FREM1: variants seen among roughly 807,000 people sequenced by gnomAD.
The protein encoded by FREM1 is FRAS1 related extracellular matrix 1, also known as FRAS1-related extracellular matrix protein 1.
Under a neutral mutation model 210.1 loss-of-function variants are expected in FREM1, and 220 were observed. The observed-to-expected ratio is 1.05, with a 90% confidence interval of 0.94 to 1.17. The LOEUF (loss-of-function observed/expected upper bound fraction) is 1.17, where lower values mean the gene tolerates loss of function less well. Ranked by LOEUF, FREM1 falls within the 50% of genes most tolerant of loss-of-function variation. FREM1 has a pLI of 0.00. For missense variants in FREM1, 3,454 were observed against 2,675.5 expected (o/e 1.29, Z -6.42); for synonymous variants, 1,189 against 980.2 (o/e 1.21, Z -3.98).
At chr9:14,756,590 G>C in intron 28 of FREM1, 144 bp from the exon 29 acceptor site, 3 of 560,098 alleles carry the variant, frequency 5.4e-6, no homozygotes, top group Non-Finnish European at 8.9e-6. Context: ...AATTATATAA[G>C]CCATTTGGGA....
intron 22 of FREM1, 21 bp from the exon 23 acceptor site, chr9:14,789,135 T>A: frequency 6.6e-7 from 1 of 1,521,916 alleles, no homozygotes; most frequent in East Asian, 2.4e-5. Context: ...CCAGAGTTAG[T>A]CAGCTGCTCA....
chr9:14,835,204 C>T (rs186642788), intron 10 of FREM1, among the ~76,000 whole-genome samples: 17 of 152,328 alleles, frequency 1.1e-4, no homozygotes, highest in Non-Finnish European at 2.4e-4. Flanking sequence ...TTTAGTTTTT[C>T]AGAGTCAAGG....
At chr9:14,904,079 G>A (rs1198559951) in intron 1 of FREM1, among the ~76,000 whole-genome samples, 1 of 136,664 alleles carries the variant, frequency 7.3e-6, no homozygotes, top group African/African-American at 2.8e-5. Context: ...CCAAGATCGC[G>A]CCTCCAGCCT....
rs1270384465 is a variant in FREM1 at position 14,861,010 on chromosome 9, T to TAC, written c.330-1528_330-1527dup. Among the ~76,000 whole-genome samples, 114 of 113,638 alleles carry TAC rather than the reference T, an allele frequency of 1.0e-3. 26 individuals carry two copies. Among genetic ancestry groups the TAC allele is most frequent in the African/African-American group, 5.0e-3 (108 of 21,452 alleles). 74.6% of individuals were successfully genotyped at this position (113,638 alleles called of 152,430 possible). A position where few individuals can be genotyped will look rare whatever the true frequency, so the allele number is the denominator to read the frequency against. On this transcript the variant is annotated intron_variant, in intron 3 of 36. Transcript: ENST00000380880. Reference sequence around the variant, plus strand: ...ATATATACATATATATACACATATATACATATATACACATATATACATATA... The same window carrying TAC: ...ATATATACATATATATACACATATATACACATATATACACATATATACATATA...
At chr9:14,769,646 A>G in intron 27 of FREM1, 78 bp downstream of exon 27, 1 of 1,419,694 alleles carries the variant, frequency 7.0e-7, no homozygotes, top group Non-Finnish European at 9.6e-7. Context: ...TGTTTTAAAA[A>G]GAACATTTCA....
rs766201167 is a variant in FREM1 at position 14,759,869 on chromosome 9, G to A, written c.5237C>T (p.Ser1746Leu). The A allele has an allele frequency of 4.3e-6, 7 of 1,611,942 alleles. No individual in the cohort carries two copies. Among genetic ancestry groups the A allele is most frequent in the Non-Finnish European group, 5.9e-6 (7 of 1,178,702 alleles). ...CTCACAGACTTCATATTCGGTCTGT[G>A]ACCATTCAATATGAGACCACTTCAG... ...LELKWSHIEW[S>L]QTEYEVCENV... Residue 1746 changes from serine to leucine, a missense_variant, in exon 28 of 37, where the codon TCA becomes TTA. By Grantham distance (145) the Ser-to-Leu change is moderately radical. Coordinates refer to ENST00000380880, the MANE Select transcript of FREM1 (RefSeq NM_001379081.2).
At chr9:14,787,126 T>C (rs956894157) in intron 23 of FREM1, among the ~76,000 whole-genome samples, 59 of 152,320 alleles carry the variant, frequency 3.9e-4, no homozygotes, top group African/African-American at 1.3e-3. Flanking sequence ...TTATTTATAA[T>C]AGCTCCCAAA....
At chr9:14,749,078 T>A (rs1244764912) in intron 30 of FREM1, among the ~76,000 whole-genome samples, 1 of 152,200 alleles carries the variant, frequency 6.6e-6, no homozygotes, top group Non-Finnish European at 1.5e-5. Flanking sequence ...AAGTAGTATT[T>A]ATAAAACTTT....
At chr9:14,833,152 C>G (rs1823892908) in intron 10 of FREM1, among the ~76,000 whole-genome samples, 1 of 152,154 alleles carries the variant, frequency 6.6e-6, no homozygotes. Context: ...GTTTGTCACT[C>G]TGGGTGGTGC....
intron 5 of FREM1, among the ~76,000 whole-genome samples, chr9:14,853,731 T>C (rs1382864238): frequency 6.6e-6 from 1 of 152,134 alleles, no homozygotes; most frequent in Admixed American, 6.5e-5. Flanking sequence ...TCCCACTGCA[T>C]GGTTGATGAA....
At chr9:14,835,941 G>C (rs1174887368) in intron 10 of FREM1, among the ~76,000 whole-genome samples, 3 of 152,128 alleles carry the variant, frequency 2.0e-5, no homozygotes, top group Non-Finnish European at 2.9e-5. Flanking sequence ...GCTTATTCCT[G>C]TGAATCAACT....
At chr9:14,878,911 T>C (rs1161767622) in intron 1 of FREM1, among the ~76,000 whole-genome samples, 1 of 152,050 alleles carries the variant, frequency 6.6e-6, no homozygotes, top group East Asian at 1.9e-4. Context: ...ATTCCAGTAC[T>C]TGGGGAGGCC....
chr9:14,848,186 C>T (rs1402621565), intron 7 of FREM1, among the ~76,000 whole-genome samples: 1 of 152,186 alleles, frequency 6.6e-6, no homozygotes, highest in African/African-American at 2.4e-5. Flanking sequence ...ATATATATCA[C>T]ATAAGTCCAC....
Position 14,797,495 on chromosome 9 carries a change from T to TA in FREM1, c.3839+2dup. 6.2e-7 allele frequency: 1 copy of TA among 1,604,412 alleles called. No individual in the cohort carries two copies. On this transcript the variant is annotated splice_region_variant and intron_variant, in intron 21 of 36. Transcript: ENST00000380880. ...TGAAAGGGACTCTTTTCAGGTAGCT[T>TA]ACTTGCTCAGCATTGGTTTTTCATC...
intron 6 of FREM1, among the ~76,000 whole-genome samples, chr9:14,850,201 C>T (rs907061208): frequency 6.6e-6 from 1 of 152,150 alleles, no homozygotes; most frequent in East Asian, 1.9e-4. Context: ...CAGCTGTCCT[C>T]CCCTCCCACT....
intron 10 of FREM1, among the ~76,000 whole-genome samples, chr9:14,840,537 C>T (rs894249955): frequency 6.6e-6 from 1 of 152,102 alleles, no homozygotes; most frequent in Admixed American, 6.5e-5. Flanking sequence ...TTTTTAAAAC[C>T]ATCAGATCCC....
intron 10 of FREM1, among the ~76,000 whole-genome samples, chr9:14,838,957 A>T (rs183493127): frequency 6.6e-6 from 1 of 152,332 alleles, no homozygotes; most frequent in East Asian, 1.9e-4. Flanking sequence ...GCAAGTCCAT[A>T]GTCTGGAGAG....
intron 8 of FREM1, 28 bp from the exon 9 acceptor site, chr9:14,842,688 A>C: frequency 6.4e-7 from 1 of 1,552,798 alleles, no homozygotes. Context: ...GATGGAGCAG[A>C]TTGAGCAAGG....
chr9:14,789,141 G>T lies in FREM1; in HGVS notation c.3982-27C>A, dbSNP rs754642847. Reference sequence around the variant, plus strand: ...TGGAAGGAGCCAGAGTTAGTCAGCTGCTCATGGTTTTTTCTTTTCCCCCAA... The same window carrying T: ...TGGAAGGAGCCAGAGTTAGTCAGCTTCTCATGGTTTTTTCTTTTCCCCCAA... On this transcript the variant is annotated intron_variant, in intron 22 of 36. Coordinates refer to ENST00000380880, the MANE Select transcript of FREM1 (RefSeq NM_001379081.2). 3.3e-6 allele frequency: 5 copies of T among 1,492,650 alleles called. No individual in the cohort carries two copies. In the South Asian group the frequency reaches 4.0e-5, roughly 12 times the overall value. 92.5% of individuals were successfully genotyped at this position (1,492,650 alleles called of 1,614,324 possible). A position where few individuals can be genotyped will look rare whatever the true frequency, so the allele number is the denominator to read the frequency against.
Sources: gnomAD v4.1 joint callset for allele counts (sites outside exome capture counted in the v4.1 genomes callset) on GRCh38, gnomAD v4.1.1 for gene constraint, MANE v1.5 for transcripts, NCBI Gene and HGNC (gene_info 2026-07-23, HGNC 2026-07-21) for gene names.